CDH8: variants seen among roughly 807,000 people sequenced by gnomAD.
CDH8 encodes cadherin 8.
CDH8 carries 17 observed loss-of-function variants against 68.1 expected under a neutral mutation model. The observed-to-expected ratio is 0.25, with a 90% CI of 0.17 to 0.37. The LOEUF (loss-of-function observed/expected upper bound fraction) is 0.37, where lower values mean the gene tolerates loss of function less well. Ranked by LOEUF, CDH8 falls within the 10% of genes least tolerant of loss-of-function variation. CDH8 has a pLI of 1.00. For missense variants in CDH8, 763 were observed against 999.3 expected (o/e 0.76, Z 3.19); for synonymous variants, 372 against 365.1 (o/e 1.02, Z -0.21).
intron 2 of CDH8, among the ~76,000 whole-genome samples, chr16:61,959,778 C>A (rs1040300642): frequency 2.7e-5 from 4 of 147,400 alleles, no homozygotes; most frequent in African/African-American, 1.0e-4. Context: ...CACACAGAGA[C>A]AGGGAGGATA....
At chr16:61,695,462 A>G (rs1596874544) in intron 10 of CDH8, among the ~76,000 whole-genome samples, 1 of 152,144 alleles carries the variant, frequency 6.6e-6, no homozygotes, top group East Asian at 1.9e-4. Flanking sequence ...TATTTGGGTC[A>G]ATTCGTTTAG....
chr16:61,779,323 T>C (rs1445945104), intron 8 of CDH8, among the ~76,000 whole-genome samples: 1 of 152,058 alleles, frequency 6.6e-6, no homozygotes, highest in East Asian at 1.9e-4. Flanking sequence ...CCTATGGCTA[T>C]AATCAGCATG....
At chr16:62,014,253 T>C (rs1901884432) in intron 2 of CDH8, among the ~76,000 whole-genome samples, 1 of 152,226 alleles carries the variant, frequency 6.6e-6, no homozygotes, top group Admixed American at 6.5e-5. Flanking sequence ...TTTAAATGAC[T>C]AATATTATTC....
chr16:61,843,750 T>C (rs1962738265), intron 4 of CDH8, among the ~76,000 whole-genome samples: 1 of 152,156 alleles, frequency 6.6e-6, no homozygotes, highest in Admixed American at 6.6e-5. Flanking sequence ...ATATACCCAG[T>C]AATGGGATGG....
intron 11 of CDH8, 69 bp downstream of exon 11, chr16:61,655,401 C>G: frequency 6.5e-7 from 1 of 1,527,570 alleles, no homozygotes; most frequent in Non-Finnish European, 9.0e-7. Flanking sequence ...TCAGAGTTTT[C>G]TGTCCTTATT....
chr16:61,695,713 T>C (rs896348867), intron 10 of CDH8, among the ~76,000 whole-genome samples: 1 of 152,224 alleles, frequency 6.6e-6, no homozygotes, highest in African/African-American at 2.4e-5. Context: ...TGATCATCAA[T>C]TCTTAGTAAT....
intron 7 of CDH8, among the ~76,000 whole-genome samples, chr16:61,816,566 C>T (rs57290909): frequency 0.085 from 12,963 of 152,128 alleles, 702 homozygotes; most frequent in African/African-American, 0.14. Flanking sequence ...TCTCTATCTC[C>T]TTGATTTTGC....
intron 2 of CDH8, among the ~76,000 whole-genome samples, chr16:62,010,506 C>T (rs766602753): frequency 2.2e-4 from 33 of 152,292 alleles, no homozygotes; most frequent in Admixed American, 6.5e-4. Context: ...GTGACTTTCT[C>T]CCGATCTGGT....
intron 10 of CDH8, among the ~76,000 whole-genome samples, chr16:61,706,299 AG>A (rs1221528440): frequency 6.6e-6 from 1 of 152,196 alleles, no homozygotes; most frequent in East Asian, 1.9e-4. Context: ...GGAATTTCAA[AG>A]GGGAAGCGAG....
At chr16:61,743,365 C>A (rs59941823) in intron 8 of CDH8, 48,018 of 155,334 alleles carry the variant, frequency 0.31, 8,050 homozygotes, top group Middle Eastern at 0.47. Flanking sequence ...GGAGGGATGC[C>A]CGTGGAGTGG....
At chr16:61,872,154 A>T (rs1963382227) in intron 3 of CDH8, among the ~76,000 whole-genome samples, 1 of 152,238 alleles carries the variant, frequency 6.6e-6, no homozygotes, top group African/African-American at 2.4e-5. Context: ...GGACAGAGGC[A>T]AAGATGTTTA....
intron 3 of CDH8, among the ~76,000 whole-genome samples, chr16:61,879,929 G>T (rs1963538031): frequency 6.6e-6 from 1 of 151,826 alleles, no homozygotes; most frequent in African/African-American, 2.4e-5. Context: ...GTTCTGGTTT[G>T]GTTTGTTTTT....
Position 61,791,592 on chromosome 16 carries a change from C to A in CDH8, c.1278-2110G>T, listed in dbSNP as rs181491300. Among the ~76,000 whole-genome samples, 14 of 152,048 alleles carry A rather than the reference C, an allele frequency of 9.2e-5. No individual in the cohort carries two copies. The East Asian group carries it at 2.5e-3, about 27-fold the overall frequency. ...ACTGCTGATATTTCACACATCCATGCGTCAACCAATTTCCCAGAGGCCACA... is the reference window on the plus strand; with the variant it reads ...ACTGCTGATATTTCACACATCCATGAGTCAACCAATTTCCCAGAGGCCACA... On this transcript the variant is annotated intron_variant, in intron 7 of 11. Coordinates refer to ENST00000577390, the MANE Select transcript of CDH8 (RefSeq NM_001796.5).
intron 2 of CDH8, among the ~76,000 whole-genome samples, chr16:62,018,847 C>T (rs1188786428): frequency 3.3e-5 from 5 of 152,172 alleles, no homozygotes; most frequent in East Asian, 1.9e-4. Flanking sequence ...GAAGCATGAA[C>T]GTCTCACGTG....
At chr16:61,768,349 T>C (rs986342865) in intron 8 of CDH8, among the ~76,000 whole-genome samples, 4 of 112,372 alleles carry the variant, frequency 3.6e-5, no homozygotes, top group African/African-American at 1.1e-4. Context: ...TCTCTCTCTC[T>C]CTCTCTCTCT....
intron 8 of CDH8, among the ~76,000 whole-genome samples, chr16:61,728,252 A>AT (rs5817307): frequency 0.31 from 44,822 of 146,918 alleles, 6,684 homozygotes; most frequent in East Asian, 0.37. Context: ...TAAAATACTC[A>AT]TTTTTTTTTT....
At chr16:61,830,204 T>C (rs1443374381) in intron 4 of CDH8, among the ~76,000 whole-genome samples, 1 of 151,796 alleles carries the variant, frequency 6.6e-6, no homozygotes, top group Non-Finnish European at 1.5e-5. Context: ...AACAAATTAA[T>C]GAATAAACAA....
chr16:62,007,558 G>A (rs573049431), intron 2 of CDH8, among the ~76,000 whole-genome samples: 3 of 152,086 alleles, frequency 2.0e-5, no homozygotes, highest in South Asian at 2.1e-4. Context: ...TTCGGCAAAC[G>A]TCATGTGTTA....
chr16:61,754,761 T>C (rs948620611), intron 8 of CDH8, among the ~76,000 whole-genome samples: 1 of 152,200 alleles, frequency 6.6e-6, no homozygotes, highest in African/African-American at 2.4e-5. Context: ...GCATATTTTT[T>C]TAATTTCAAC....
Sources: gnomAD v4.1 joint callset for allele counts (sites outside exome capture counted in the v4.1 genomes callset) on GRCh38, gnomAD v4.1.1 for gene constraint, MANE v1.5 for transcripts, NCBI Gene and HGNC (gene_info 2026-07-23, HGNC 2026-07-21) for gene names.